The following TACC3 variants were observed in gnomAD, a reference collection of about 807,000 sequenced individuals.
TACC3 encodes transforming acidic coiled-coil containing protein 3, also known as transforming acidic coiled-coil-containing protein 3.
A neutral mutation model predicts 86.0 loss-of-function variants in TACC3; 52 were observed. That is an observed-to-expected ratio of 0.60 (90% CI 0.48 to 0.76). The LOEUF (loss-of-function observed/expected upper bound fraction) is 0.76. TACC3 is among the 30% of genes least tolerant of loss of function. TACC3 has a pLI of 0.00. For missense variants in TACC3, 1,120 were observed against 1,070.4 expected (o/e 1.05, Z -0.65); for synonymous variants, 512 against 430.0 (o/e 1.19, Z -2.36).
Position 1,728,791 on chromosome 4 carries a change from AGT to A in TACC3, c.1385+8_1385+9del. ...AGCCAGGTCCCTGTCTGAGCCAGTA[AGT>A]GTGAGGATGGGATGGGGAGCGTGGC... is the stretch of plus-strand genomic sequence containing the variant. On this transcript the variant is annotated splice_donor_5th_base_variant and intron_variant, in intron 4 of 15. Coordinates refer to ENST00000313288, the MANE Select transcript of TACC3 (RefSeq NM_006342.3). 1.9e-6 allele frequency: 3 copies of A among 1,599,316 alleles called. No individual in the cohort carries two copies. Among genetic ancestry groups the A allele is most frequent in the Non-Finnish European group, 2.6e-6 (3 of 1,174,284 alleles).
chr4:1,724,727 G>A (rs776969241), intron 3 of TACC3, among the ~76,000 whole-genome samples: 1 of 151,380 alleles, frequency 6.6e-6, no homozygotes, highest in African/African-American at 2.4e-5. Flanking sequence ...GGACCCCAGA[G>A]GCATGATTTT....
At chr4:1,738,018 G>T (rs1171346434) in intron 10 of TACC3, 6 of 430,588 alleles carry the variant, frequency 1.4e-5, no homozygotes, top group South Asian at 1.2e-4. Context: ...GTGAGCCCGA[G>T]TGTCGCCCCT....
intron 4 of TACC3, chr4:1,730,551 A>G: frequency 2.2e-6 from 1 of 458,424 alleles, no homozygotes; most frequent in East Asian, 5.7e-5. Flanking sequence ...CACCTGCCCC[A>G]GCCTCCACAT....
Position 1,735,956 on chromosome 4 carries a change from G to A in TACC3, c.1748+122G>A. The A allele has an allele frequency of 1.4e-6, 1 of 740,564 alleles. No homozygotes were observed. Among genetic ancestry groups the A allele is most frequent in the Non-Finnish European group, 2.2e-6 (1 of 459,654 alleles). The allele number at this position is 740,564 out of a possible 1,614,324, so 45.9% of individuals were successfully genotyped here. A position where few individuals can be genotyped will look rare whatever the true frequency, so the allele number is the denominator to read the frequency against. On this transcript the variant is annotated intron_variant, in intron 8 of 15. Transcript: ENST00000313288. This position sits in a 1 kb window ranked among gnomAD's most constrained non-coding sequence, Gnocchi z 4.2. ...GGGGGGAGATGATCAGAACTGGAAA[G>A]GAGCTGTGCTAGGGGTGGGCTGGGC...
Position 1,735,404 on chromosome 4 carries a change from TC to T in TACC3, c.1644+82del. 6.5e-7 allele frequency: 1 copy of T among 1,545,006 alleles called. No homozygotes were observed. Among genetic ancestry groups the T allele is most frequent in the African/African-American group, 1.4e-5 (1 of 73,598 alleles). ...CACGGCAGGTCTTGCCCCCGGAGCG[TC>T]CCTTGGTGCCCACGTCCCCCCAGCT... On this transcript the variant is annotated intron_variant, in intron 7 of 15. Coordinates refer to ENST00000313288, the MANE Select transcript of TACC3 (RefSeq NM_006342.3). This position sits in a 1 kb window ranked among gnomAD's most constrained non-coding sequence, Gnocchi z 4.2.
At chr4:1,721,052 G>T (rs1246791102), upstream of TACC3, 1 of 300,252 alleles carries the variant, frequency 3.3e-6, no homozygotes, top group Non-Finnish European at 6.1e-6. Context: ...CTAGGACATG[G>T]AGTCCCGCCG....
chr4:1,731,411 G>C, intron 6 of TACC3, 110 bp downstream of exon 6: 1 of 1,344,254 alleles, frequency 7.4e-7, no homozygotes, highest in Non-Finnish European at 1.0e-6. Context: ...TTCGCAGGCA[G>C]TTGGGTCCCT....
rs1176031363 is a variant in TACC3, at chr4:1,723,504, A to T, written c.83A>T (p.Glu28Val). Residue 28 changes from glutamate (E) to valine (V), a missense_variant, in exon 2 of 16, where the codon GAA becomes GTA. Glu to Val is a moderately radical substitution (Grantham distance 121, BLOSUM62 -2). Transcript: ENST00000313288. Reference protein sequence around the residue: ...ENCDFLFSPPEVTGRSSVLRV... With the variant: ...ENCDFLFSPPVVTGRSSVLRV... ...TGCGACTTCCTGTTTTCGCCACCAG[A>T]AGTTACCGGAAGATCGTCTGTTCTT... 2 of 1,613,668 alleles carry T rather than the reference A, an allele frequency of 1.2e-6. No individual in the cohort carries two copies. Among genetic ancestry groups the T allele is most frequent in the Non-Finnish European group, 1.7e-6 (2 of 1,180,016 alleles).
intron 6 of TACC3, among the ~76,000 whole-genome samples, chr4:1,733,716 G>A (rs533529190): frequency 2.2e-4 from 33 of 152,252 alleles, no homozygotes; most frequent in African/African-American, 7.5e-4. Context: ...GGTGGCTCAC[G>A]CCCGTAATCC....
chr4:1,730,149 C>G lies in TACC3; in HGVS notation c.1386-738C>G, dbSNP rs180826482. 9.6e-3 allele frequency among the ~76,000 whole-genome samples: 1,465 copies of G among 152,346 alleles called. 14 individuals carry two copies. The highest frequency in any genetic ancestry group is 0.014 in the Non-Finnish European group (964 of 68,038). On this transcript the variant is annotated intron_variant, in intron 4 of 15. Transcript: ENST00000313288. ...TGCCTCCCGGGTTCACACCATTCTC[C>G]TGCCTCAGCCTCCCGAGTAGCTGGG... is the stretch of plus-strand genomic sequence containing the variant.
rs138735746 is a variant in TACC3, at chr4:1,727,965, C to G, written c.563C>G (p.Ser188Cys). The stretch of plus-strand genomic sequence containing the variant: ...CAAGCCGTGGAGGAAAACCTTAGTT[C>G]CTATTCCTTAGACAGAAGAGTGACA... ...PEQAVEENLS[S>C]YSLDRRVTPA... The change falls in exon 4 of 16, where the codon TCC becomes TGC. Residue 188 changes from serine (S) to cysteine (C), a missense_variant. Ser to Cys is a moderately radical substitution (Grantham distance 112, BLOSUM62 -1). Coordinates refer to ENST00000313288, the MANE Select transcript of TACC3 (RefSeq NM_006342.3). 4 of 1,613,586 alleles carry G rather than the reference C, an allele frequency of 2.5e-6. No homozygotes were observed. The highest frequency in any genetic ancestry group is 2.5e-6 in the Non-Finnish European group (3 of 1,180,034).
At chr4:1,729,879 G>T (rs1477350146) in intron 4 of TACC3, among the ~76,000 whole-genome samples, 1 of 152,084 alleles carries the variant, frequency 6.6e-6, no homozygotes, top group Non-Finnish European at 1.5e-5. Context: ...GCTAGGTAAC[G>T]GGTGCCTTCC....
Position 1,739,993 on chromosome 4 carries a change from C to T in TACC3, c.2053C>T (p.Gln685Ter), listed in dbSNP as rs1268330287. The T allele has an allele frequency of 6.2e-7, 1 of 1,613,078 alleles. No individual in the cohort carries two copies. Among genetic ancestry groups the T allele is most frequent in the South Asian group, 1.1e-5 (1 of 91,086 alleles). The change falls in exon 12 of 16, where the codon CAG becomes TAG. Residue 685 changes from glutamine (Q) to a stop codon, truncating the protein, a stop_gained. Coordinates refer to ENST00000313288, the MANE Select transcript of TACC3 (RefSeq NM_006342.3). LOFTEE classifies it high-confidence loss of function. ...GGACAGGTTCGAAGAGGTTGTGTAC[C>T]AGGCCATGGGTGAGTGCCCGGGCCA... ...IMDRFEEVVY[Q>*]AMEEVQKQKE...
Position 1,735,764 on chromosome 4 carries a change from T to C in TACC3, c.1678T>C (p.Tyr560His). Residue 560 changes from tyrosine (Y) to histidine (H), a missense_variant, in exon 8 of 16, where the codon TAC becomes CAC. Transcript: ENST00000313288. The surrounding 1 kb of genome is among the most constrained non-coding windows in gnomAD (Gnocchi z 4.2). ...GTCGGCCTTGAGGAAGCAGTCCTTA[T>C]ACCTCAAGTTCGACCCCCTCCTGAG... is the stretch of plus-strand genomic sequence containing the variant. ...KESALRKQSL[Y>H]LKFDPLLRDS... is the part of the protein sequence containing the mutation. 6.2e-7 allele frequency: 1 copy of C among 1,613,070 alleles called. No homozygotes were observed. The highest frequency in any genetic ancestry group is 8.5e-7 in the Non-Finnish European group (1 of 1,179,696).
Position 1,728,488 on chromosome 4 carries a change from C to G in TACC3, c.1086C>G (p.Gly362=), listed in dbSNP as rs798757. 301,347 of 1,613,856 alleles carry G rather than the reference C, an allele frequency of 0.19. 29,852 individuals are homozygous for G. The highest frequency in any genetic ancestry group is 0.2 in the Non-Finnish European group (237,796 of 1,179,972). The change falls in exon 4 of 16, where the codon GGC becomes GGG. Residue 362 remains glycine, a synonymous_variant. Transcript: ENST00000313288. ...CAAGGAGACTGGGAGAGAGGTCCGG[C>G]CTCAAGCCTCCCTTGAGGAAAGCAG... ...PPPRRLGERS[G]LKPPLRKAAV...
intron 13 of TACC3, 159 bp downstream of exon 13, chr4:1,741,145 G>T: frequency 1.5e-6 from 1 of 679,750 alleles, no homozygotes; most frequent in Non-Finnish European, 2.4e-6. Context: ...CAGGGTGCAG[G>T]AGTCACAGCA....
intron 3 of TACC3, among the ~76,000 whole-genome samples, chr4:1,724,682 C>T (rs1222462835): frequency 2.6e-5 from 4 of 152,050 alleles, no homozygotes; most frequent in Non-Finnish European, 5.9e-5. Context: ...TGTCTGGGCA[C>T]CCAGGAACAC....
intron 3 of TACC3, among the ~76,000 whole-genome samples, chr4:1,724,574 C>G (rs917080260): frequency 8.6e-5 from 13 of 151,164 alleles, no homozygotes; most frequent in Non-Finnish European, 3.0e-5. Flanking sequence ...TTTAGCCGAC[C>G]TGATTCTTAA....
At chr4:1,744,259 G>A (rs1277828482) in intron 13 of TACC3, among the ~76,000 whole-genome samples, 3 of 152,240 alleles carry the variant, frequency 2.0e-5, no homozygotes, top group African/African-American at 7.2e-5. Flanking sequence ...CTGCAGGTGT[G>A]GCAGGAGGGG....
Sources: allele counts gnomAD v4.1 joint callset (sites outside exome capture counted in the v4.1 genomes callset), GRCh38; gene constraint gnomAD v4.1.1; non-coding constraint Gnocchi (gnomAD v3.1); transcripts MANE v1.5; gene names NCBI Gene and HGNC (gene_info 2026-07-23, HGNC 2026-07-21).